F2R: variants seen among roughly 807,000 people sequenced by gnomAD.
The protein encoded by F2R is coagulation factor II thrombin receptor.
A neutral mutation model predicts 18.3 loss-of-function variants in F2R; 12 were observed. The ratio of observed to expected loss-of-function variants is 0.66; its 90% CI spans 0.42 to 1.06. The LOEUF is 1.06. F2R is among the 50% of genes least tolerant of loss of function. F2R has a pLI of 0.00. For synonymous variants in F2R, 210 were observed against 219.9 expected (o/e 0.95, Z 0.40); for missense variants, 438 against 530.8 (o/e 0.83, Z 1.72).
rs563343662 is a variant in F2R at position 76,722,360 on chromosome 5, G to C, written c.88+5965G>C. Among the ~76,000 whole-genome samples, 3 of 152,294 alleles carry C rather than the reference G, an allele frequency of 2.0e-5. No individual in the cohort carries two copies. The South Asian group carries it at 6.2e-4, about 32-fold the overall frequency. On this transcript the variant is annotated intron_variant, in intron 1 of 1. Transcript: ENST00000319211. The stretch of plus-strand genomic sequence containing the variant: ...CTTGGAGAACAGACCTGGAGAAATG[G>C]GGAAAGCCGGGGAACCTGAGTAGTT...
Position 76,732,819 on chromosome 5 carries a change from T to G in F2R, c.594T>G (p.Ile198Met), listed in dbSNP as rs1748696825. Residue 198 changes from isoleucine (I) to methionine (M), a missense_variant, in exon 2 of 2, where the codon ATT becomes ATG. By Grantham distance (10) the Ile-to-Met change is conservative (BLOSUM62 1). Transcript: ENST00000319211. ...TCTTGCTCATGACAGTCATAAGCAT[T>G]GACCGGTTTCTGGCTGTGGTGTATC... ...ASILLMTVIS[I>M]DRFLAVVYPM... 1 of 1,614,134 alleles carries G rather than the reference T, an allele frequency of 6.2e-7. No homozygotes were observed. The highest frequency in any genetic ancestry group is 1.3e-5 in the African/African-American group (1 of 74,948).
At chr5:76,717,943 G>T (rs1748375797) in intron 1 of F2R, among the ~76,000 whole-genome samples, 1 of 152,142 alleles carries the variant, frequency 6.6e-6, no homozygotes, top group South Asian at 2.1e-4. Flanking sequence ...GGACAGTGCT[G>T]GTGTAGACAG....
intron 1 of F2R, among the ~76,000 whole-genome samples, chr5:76,731,988 G>A (rs1234020596): frequency 6.6e-6 from 1 of 152,192 alleles, no homozygotes; most frequent in Non-Finnish European, 1.5e-5. Context: ...AGTGGCTAGC[G>A]TGGAAATCAA....
chr5:76,720,649 G>A (rs1748432459), intron 1 of F2R, among the ~76,000 whole-genome samples: 2 of 152,138 alleles, frequency 1.3e-5, no homozygotes, highest in East Asian at 3.9e-4. Flanking sequence ...AAGGAAACCA[G>A]TAAGCAGTCA....
intron 1 of F2R, among the ~76,000 whole-genome samples, chr5:76,727,240 T>C (rs1299322624): frequency 6.6e-6 from 1 of 152,230 alleles, no homozygotes; most frequent in Non-Finnish European, 1.5e-5. Context: ...AAAGTGAATG[T>C]ATGTCCTGTT....
chr5:76,734,002 T>G lies in F2R; in HGVS notation c.*499T>G, dbSNP rs964775858. 6 of 154,820 alleles carry G rather than the reference T, an allele frequency of 3.9e-5. No individual in the cohort carries two copies. The highest frequency in any genetic ancestry group is 1.4e-4 in the African/African-American group (6 of 41,470). 9.6% of individuals were successfully genotyped at this position (154,820 alleles called of 1,614,324 possible). A position where few individuals can be genotyped will look rare whatever the true frequency, so the allele number is the denominator to read the frequency against. On this transcript the variant is annotated 3_prime_UTR_variant, in exon 2 of 2. Coordinates refer to ENST00000319211, the MANE Select transcript of F2R (RefSeq NM_001992.5). Reference sequence around the variant, plus strand: ...ACTCCATAGTTTGGGCTTGTACCACTTTTGCAAATAAGTGTATTTTGAAAT... The same window carrying G: ...ACTCCATAGTTTGGGCTTGTACCACGTTTGCAAATAAGTGTATTTTGAAAT...
chr5:76,722,965 G>T (rs1382985108), intron 1 of F2R, among the ~76,000 whole-genome samples: 1 of 134,436 alleles, frequency 7.4e-6, no homozygotes. Context: ...AAAAAAAAAA[G>T]AATTTTGTCT....
chr5:76,720,158 G>T (rs763838098), intron 1 of F2R, among the ~76,000 whole-genome samples: 7 of 152,124 alleles, frequency 4.6e-5, no homozygotes, highest in South Asian at 2.1e-4. Flanking sequence ...CAGCATAGCA[G>T]GTTCTCAGGG....
intron 1 of F2R, 119 bp downstream of exon 1, chr5:76,716,514 A>C (rs559301219): frequency 1.1e-6 from 1 of 911,218 alleles, no homozygotes; most frequent in South Asian, 1.9e-5. Flanking sequence ...CCAAACTGGC[A>C]TTTGGGCTGA....
chr5:76,716,456 G>C, intron 1 of F2R, 61 bp downstream of exon 1: 1 of 1,306,682 alleles, frequency 7.7e-7, no homozygotes, highest in Non-Finnish European at 1.0e-6. Context: ...GACTGCGGGG[G>C]TCACTGTTGC....
chr5:76,716,218 C>G lies in F2R; in HGVS notation c.-90C>G. 4 of 1,089,970 alleles carry G rather than the reference C, an allele frequency of 3.7e-6. No individual in the cohort carries two copies. In the South Asian group the frequency reaches 8.6e-5, roughly 24 times the overall value. 67.5% of individuals were successfully genotyped at this position (1,089,970 alleles called of 1,614,324 possible). On this transcript the variant is annotated 5_prime_UTR_variant, in exon 1 of 2. Transcript: ENST00000319211. ...CTCTGCCTGCCGCGAAGACCGGCTC[C>G]CCGACCCGCAGAAGTCAGGAGAGAG... is the stretch of plus-strand genomic sequence containing the variant.
intron 1 of F2R, among the ~76,000 whole-genome samples, chr5:76,724,060 G>GT (rs1748514121): frequency 2.0e-5 from 3 of 152,028 alleles, no homozygotes; most frequent in South Asian, 2.1e-4. Flanking sequence ...ATTTCCTTCT[G>GT]TTTTTTTGTT....
chr5:76,734,295 T>C lies in F2R; in HGVS notation c.*792T>C, dbSNP rs1748741844. 1 of 152,322 alleles carries C rather than the reference T, an allele frequency of 6.6e-6. No homozygotes were observed. Among genetic ancestry groups the C allele is most frequent in the Admixed American group, 6.5e-5 (1 of 15,280 alleles). The allele number at this position is 152,322 out of a possible 1,614,324, so 9.4% of individuals were successfully genotyped here. ...GAGAGCTGCATGTGTCCGCCCCCGA[T>C]GGAGGACTCCAGGCAGCAGACACAT... On this transcript the variant is annotated 3_prime_UTR_variant, in exon 2 of 2. Coordinates refer to ENST00000319211, the MANE Select transcript of F2R (RefSeq NM_001992.5).
rs765264225 is a variant in F2R at position 76,732,500 on chromosome 5, C to T, written c.275C>T (p.Ala92Val). 2 of 1,614,188 alleles carry T rather than the reference C, an allele frequency of 1.2e-6. No homozygotes were observed. The highest frequency in any genetic ancestry group is 8.5e-7 in the Non-Finnish European group (1 of 1,180,028). ...KQLPAFISEDASGYLTSSWLT... is the reference protein window; with the variant it reads ...KQLPAFISEDVSGYLTSSWLT... ...CTTCCTGCATTCATCTCAGAAGATGCCTCCGGATATTTGACCAGCTCCTGG... is the reference window on the plus strand; with the variant it reads ...CTTCCTGCATTCATCTCAGAAGATGTCTCCGGATATTTGACCAGCTCCTGG... Residue 92 changes from alanine (A) to valine (V), a missense_variant, in exon 2 of 2, where the codon GCC (alanine) becomes GTC (valine). By Grantham distance (64) the Ala-to-Val change is moderately conservative. Coordinates refer to ENST00000319211, the MANE Select transcript of F2R (RefSeq NM_001992.5).
intron 1 of F2R, among the ~76,000 whole-genome samples, chr5:76,717,756 G>T (rs973967049): frequency 6.6e-6 from 1 of 152,164 alleles, no homozygotes; most frequent in African/African-American, 2.4e-5. Context: ...TGAGAATCCA[G>T]TGTTTTGTTT....
chr5:76,724,076 G>A (rs2227776), intron 1 of F2R, among the ~76,000 whole-genome samples: 2,542 of 151,772 alleles, frequency 0.017, 69 homozygotes, highest in African/African-American at 0.058. Flanking sequence ...TTGTTTGTTT[G>A]TTTGTTTTGA....
intron 1 of F2R, among the ~76,000 whole-genome samples, chr5:76,728,589 A>C (rs1561629878): frequency 2.0e-5 from 3 of 151,406 alleles, no homozygotes; most frequent in Non-Finnish European, 1.5e-5. Context: ...TTATTCATTC[A>C]TTCATTCATC....
In F2R at chr5:76,734,404, C is replaced by T. The variant is rs1748743590; in HGVS notation, c.*901C>T. The stretch of plus-strand genomic sequence containing the variant: ...TGAGACTGGGGCCACTACATTTGCT[C>T]CATCCTCCTGGGATTGGCTGTGAAC... On this transcript the variant is annotated 3_prime_UTR_variant, in exon 2 of 2. Transcript: ENST00000319211. 1 of 152,362 alleles carries T rather than the reference C, an allele frequency of 6.6e-6. No individual in the cohort carries two copies. The highest frequency in any genetic ancestry group is 2.4e-5 in the African/African-American group (1 of 41,448). The allele number at this position is 152,362 out of a possible 1,614,324, so 9.4% of individuals were successfully genotyped here.
chr5:76,733,627 A>G lies in F2R; in HGVS notation c.*124A>G, dbSNP rs963205270. 8.2e-6 allele frequency: 6 copies of G among 735,738 alleles called. No homozygotes were observed. The highest frequency in any genetic ancestry group is 1.1e-5 in the Non-Finnish European group (5 of 463,988). 45.6% of individuals were successfully genotyped at this position (735,738 alleles called of 1,614,324 possible). On this transcript the variant is annotated 3_prime_UTR_variant, in exon 2 of 2. Transcript: ENST00000319211. ...AAAACAACAGATGTACGACTTGCAT[A>G]CCTGCTTTTTATGGGAGCTGTCAAG...
Sources: allele counts gnomAD v4.1 joint callset (sites outside exome capture counted in the v4.1 genomes callset), GRCh38; gene constraint gnomAD v4.1.1; transcripts MANE v1.5; gene names NCBI Gene and HGNC (gene_info 2026-07-23, HGNC 2026-07-21).